The following SCUBE2 variants were observed in gnomAD, a reference collection of about 807,000 sequenced individuals.
The protein encoded by SCUBE2 is signal peptide, CUB and EGF-like domain-containing protein 2.
Under a neutral mutation model 125.9 loss-of-function variants are expected in SCUBE2, and 114 were observed. The ratio of observed to expected loss-of-function variants is 0.91; its 90% CI spans 0.78 to 1.06. The LOEUF (loss-of-function observed/expected upper bound fraction) is 1.06. Among genes scored for constraint, SCUBE2 ranks in the 50% least tolerant of loss-of-function variants. The probability of loss-of-function intolerance (pLI) is 0.00; values close to 1 mark genes in which losing one functional copy is unlikely to be tolerated. For synonymous variants in SCUBE2, 459 were observed against 492.9 expected, an observed-to-expected ratio of 0.93 and a Z score of 0.91; for missense variants, 1,255 against 1,301.8, an observed-to-expected ratio of 0.96 and a Z score of 0.55.
At chr11:9,059,227 T>C (rs926394664) in intron 9 of SCUBE2, 76 bp downstream of exon 9, 10 of 1,549,352 alleles carry the variant, frequency 6.5e-6, no homozygotes, top group South Asian at 4.8e-5. Context: ...AGCCAGTCTC[T>C]GCCAGGAGGG....
intron 17 of SCUBE2, chr11:9,031,317 C>G (rs1288406911): frequency 6.3e-6 from 1 of 157,586 alleles, no homozygotes; most frequent in Non-Finnish European, 1.4e-5. Flanking sequence ...CTTTACCCAG[C>G]TGATTACAGC....
At chr11:9,061,373 G>A (rs1287442954) in intron 7 of SCUBE2, among the ~76,000 whole-genome samples, 2 of 150,896 alleles carry the variant, frequency 1.3e-5, no homozygotes, top group Non-Finnish European at 3.0e-5. Flanking sequence ...CCTGGGCCAC[G>A]TGGTGAGACC....
chr11:9,087,841 G>C (rs1421767991), intron 2 of SCUBE2, among the ~76,000 whole-genome samples: 1 of 152,208 alleles, frequency 6.6e-6, no homozygotes, highest in Non-Finnish European at 1.5e-5. Context: ...TGGGTGGATA[G>C]GGAGGATCAG....
chr11:9,039,679 C>T (rs1857036348), intron 16 of SCUBE2, among the ~76,000 whole-genome samples: 1 of 152,126 alleles, frequency 6.6e-6, no homozygotes, highest in Non-Finnish European at 1.5e-5. Context: ...AACGAAGCTC[C>T]TCTGGTTTAG....
At chr11:9,090,629 G>C (rs1410777821) in intron 1 of SCUBE2, among the ~76,000 whole-genome samples, 1 of 151,916 alleles carries the variant, frequency 6.6e-6, no homozygotes, top group East Asian at 1.9e-4. Context: ...GTCTGCCCCG[G>C]GATCGGAGCA....
In SCUBE2 at chr11:9,074,563, G is replaced by A. The variant is rs139013520; in HGVS notation, c.435C>T (p.Asn145=). The A allele has an allele frequency of 2.2e-5, 36 of 1,614,076 alleles. No homozygotes were observed. The highest frequency in any genetic ancestry group is 1.6e-4 in the Middle Eastern group (1 of 6,084). ...AGCAGCACTCATAGCTCCCCATGAC[G>A]TTGACACAGGTATGCTGGCAGCCGC... is the stretch of plus-strand genomic sequence containing the variant. ...NNGGCQHTCV[N]VMGSYECCCK... is the part of the protein sequence containing the mutation. The change falls in exon 4 of 23, where the codon AAC becomes AAT. Residue 145 remains asparagine, a synonymous_variant. Transcript: ENST00000649792.
At chr11:9,021,437 C>T (rs114918583) in intron 22 of SCUBE2, among the ~76,000 whole-genome samples, 3,112 of 151,774 alleles carry the variant, frequency 0.021, 108 homozygotes, top group African/African-American at 0.072. Context: ...TTTCTTTTTC[C>T]CAACCAGATG....
intron 2 of SCUBE2, among the ~76,000 whole-genome samples, chr11:9,086,650 C>G (rs149150635): frequency 0.018 from 2,737 of 152,074 alleles, 39 homozygotes; most frequent in Non-Finnish European, 0.027. Flanking sequence ...GTCAGGAGTT[C>G]GAGACCAGCC....
chr11:9,089,138 C>G (rs1054349407), intron 2 of SCUBE2, among the ~76,000 whole-genome samples: 1 of 152,248 alleles, frequency 6.6e-6, no homozygotes, highest in Non-Finnish European at 1.5e-5. Context: ...ACCTGCAGCT[C>G]TATGGGCTAA....
At chr11:9,087,460 A>G (rs886401173) in intron 2 of SCUBE2, among the ~76,000 whole-genome samples, 4 of 152,230 alleles carry the variant, frequency 2.6e-5, no homozygotes, top group African/African-American at 9.6e-5. Flanking sequence ...TGGAGGAATC[A>G]GCAGATAAAT....
chr11:9,073,665 TC>T (rs1227829314), intron 4 of SCUBE2, among the ~76,000 whole-genome samples: 4 of 152,168 alleles, frequency 2.6e-5, no homozygotes, highest in African/African-American at 4.8e-5. Context: ...TTAGGGCACT[TC>T]CCCTAAAAAT....
intron 9 of SCUBE2, 75 bp downstream of exon 9, chr11:9,059,228 G>T: frequency 6.5e-7 from 1 of 1,548,922 alleles, no homozygotes; most frequent in South Asian, 1.2e-5. Flanking sequence ...GCCAGTCTCT[G>T]CCAGGAGGGT....
At chr11:9,090,962 C>T (rs1862639353) in intron 1 of SCUBE2, among the ~76,000 whole-genome samples, 1 of 152,160 alleles carries the variant, frequency 6.6e-6, no homozygotes, top group African/African-American at 2.4e-5. Flanking sequence ...GAGCCCACCC[C>T]GAAGCCATCA....
At chr11:9,079,861 G>A (rs1365755795) in intron 2 of SCUBE2, among the ~76,000 whole-genome samples, 2 of 152,034 alleles carry the variant, frequency 1.3e-5, no homozygotes, top group Admixed American at 6.5e-5. Flanking sequence ...AAAATTAAAA[G>A]AGTATCTGTA....
chr11:9,059,111 CA>C (rs72549224), intron 9 of SCUBE2, among the ~76,000 whole-genome samples, 191 bp downstream of exon 9: 3,397 of 152,230 alleles, frequency 0.022, 119 homozygotes, highest in African/African-American at 0.073. Context: ...GCTTAATTTC[CA>C]AATACACCTG....
chr11:9,023,402 A>G (rs1855471141), intron 21 of SCUBE2, among the ~76,000 whole-genome samples: 1 of 152,120 alleles, frequency 6.6e-6, no homozygotes, highest in Non-Finnish European at 1.5e-5. Flanking sequence ...ATGAGAATAC[A>G]TTTTCTTTTC....
intron 21 of SCUBE2, chr11:9,025,390 G>A: frequency 4.2e-6 from 1 of 239,206 alleles, no homozygotes; most frequent in Non-Finnish European, 8.1e-6. Flanking sequence ...AAGAACTTGA[G>A]GCTTAGAGAT....
At chr11:9,090,610 T>C (rs1322025926) in intron 1 of SCUBE2, among the ~76,000 whole-genome samples, 1 of 151,870 alleles carries the variant, frequency 6.6e-6, no homozygotes, top group Non-Finnish European at 1.5e-5. Flanking sequence ...TTTAGAGTAT[T>C]TATGGGAAGT....
intron 13 of SCUBE2, among the ~76,000 whole-genome samples, chr11:9,051,919 C>T (rs1858457701): frequency 6.6e-6 from 1 of 152,142 alleles, no homozygotes; most frequent in Non-Finnish European, 1.5e-5. Flanking sequence ...TCCAAACGTG[C>T]ATTGAAAGGG....
Sources: allele counts gnomAD v4.1 joint callset (sites outside exome capture counted in the v4.1 genomes callset), GRCh38; gene constraint gnomAD v4.1.1; transcripts MANE v1.5; gene names NCBI Gene and HGNC (gene_info 2026-07-23, HGNC 2026-07-21).